ZWILCH: variants seen among roughly 807,000 people sequenced by gnomAD.
The protein encoded by ZWILCH is protein zwilch homolog.
A neutral mutation model predicts 79.9 loss-of-function variants in ZWILCH; 74 were observed. The observed-to-expected ratio is 0.93, with a 90% CI of 0.77 to 1.12. The LOEUF (loss-of-function observed/expected upper bound fraction) is 1.12, where lower values mean the gene tolerates loss of function less well. ZWILCH is among the 50% of genes most tolerant of loss of function. ZWILCH has a pLI of 0.00. For missense variants in ZWILCH, 694 were observed against 687.5 expected, an observed-to-expected ratio of 1.01 and a Z score of -0.11; for synonymous variants, 241 against 228.2, an observed-to-expected ratio of 1.06 and a Z score of -0.51.
intron 17 of ZWILCH, among the ~76,000 whole-genome samples, chr15:66,543,354 T>TAGA (rs1208370237): frequency 1.3e-5 from 2 of 152,208 alleles, no homozygotes; most frequent in African/African-American, 2.4e-5. Flanking sequence ...GATAAAGACC[T>TAGA]AGAAGGATAC....
At chr15:66,509,127 AGAC>A (rs1893933624) in intron 2 of ZWILCH, among the ~76,000 whole-genome samples, 1 of 152,120 alleles carries the variant, frequency 6.6e-6, no homozygotes, top group Non-Finnish European at 1.5e-5. Flanking sequence ...TTTTTAGTAG[AGAC>A]AGGGTTTCAC....
At chr15:66,535,242 G>A (rs1894973186) in intron 14 of ZWILCH, among the ~76,000 whole-genome samples, 1 of 152,104 alleles carries the variant, frequency 6.6e-6, no homozygotes, top group Admixed American at 6.6e-5. Context: ...CCTCCTGAAG[G>A]TCCTGCCTGA....
intron 2 of ZWILCH, among the ~76,000 whole-genome samples, chr15:66,509,845 A>C (rs990464016): frequency 7.8e-5 from 6 of 77,262 alleles, no homozygotes; most frequent in Admixed American, 2.6e-4. Context: ...ATATATATAT[A>C]TATATATATA....
intron 17 of ZWILCH, among the ~76,000 whole-genome samples, chr15:66,540,821 G>T (rs1245121414): frequency 4.7e-5 from 7 of 150,108 alleles, no homozygotes; most frequent in African/African-American, 1.7e-4. Flanking sequence ...GTAAAGATGG[G>T]TTTTACCATG....
At chr15:66,517,586 G>T (rs1894331150) in intron 4 of ZWILCH, among the ~76,000 whole-genome samples, 1 of 149,202 alleles carries the variant, frequency 6.7e-6, no homozygotes, top group East Asian at 2.0e-4. Context: ...CATAACCATG[G>T]AACAATGATG....
At chr15:66,525,287 A>G (rs1260497820) in intron 8 of ZWILCH, among the ~76,000 whole-genome samples, 1 of 152,212 alleles carries the variant, frequency 6.6e-6, no homozygotes, top group Non-Finnish European at 1.5e-5. Flanking sequence ...CCTGAAGGTG[A>G]CAACAAACTG....
chr15:66,528,879 G>C lies in ZWILCH; in HGVS notation c.997G>C (p.Asp333His), dbSNP rs140914823. ...ETLKHDTAAVDRSVKRLFKVR... is the reference protein window; with the variant it reads ...ETLKHDTAAVHRSVKRLFKVR... Reference sequence around the variant, plus strand: ...CTTGAAGCATGACACTGCTGCAGTCGATCGTTCCGTCAAGCGTCTTTTCAA... The same window carrying C: ...CTTGAAGCATGACACTGCTGCAGTCCATCGTTCCGTCAAGCGTCTTTTCAA... Residue 333 changes from aspartate (D) to histidine (H), a missense_variant, in exon 11 of 19, where the codon GAT becomes CAT. Transcript: ENST00000307897. The C allele has an allele frequency of 6.2e-7, 1 of 1,613,924 alleles. No homozygotes were observed. Among genetic ancestry groups the C allele is most frequent in the Non-Finnish European group, 8.5e-7 (1 of 1,179,892 alleles).
chr15:66,529,636 G>A, intron 12 of ZWILCH, 63 bp downstream of exon 12: 1 of 1,290,752 alleles, frequency 7.7e-7, no homozygotes, highest in Non-Finnish European at 1.1e-6. Context: ...AAAGACACAG[G>A]CTCTGAAGCC....
chr15:66,542,869 A>G (rs1308423963), intron 17 of ZWILCH, among the ~76,000 whole-genome samples: 1 of 152,198 alleles, frequency 6.6e-6, no homozygotes, highest in Non-Finnish European at 1.5e-5. Context: ...CTCACCTATA[A>G]TAAGAGAAAT....
chr15:66,517,335 T>C (rs920835557), intron 4 of ZWILCH, among the ~76,000 whole-genome samples: 1 of 150,702 alleles, frequency 6.6e-6, no homozygotes, highest in African/African-American at 2.4e-5. Flanking sequence ...TATATAGTTA[T>C]ATATGTATAT....
chr15:66,548,662 A>G lies in ZWILCH; in HGVS notation c.*338A>G. The G allele has an allele frequency of 1.1e-6, 1 of 897,616 alleles. No individual in the cohort carries two copies. The highest frequency in any genetic ancestry group is 1.9e-6 in the Non-Finnish European group (1 of 537,300). The allele number at this position is 897,616 out of a possible 1,614,324, so 55.6% of individuals were successfully genotyped here. ...TGAGAACAGGATCATTTTAGTAAAT[A>G]CAGCTTTATCCCAAAAGCTTTAACT... On this transcript the variant is annotated 3_prime_UTR_variant, in exon 19 of 19. Coordinates refer to ENST00000307897, the MANE Select transcript of ZWILCH (RefSeq NM_017975.5).
chr15:66,548,396 C>A lies in ZWILCH; in HGVS notation c.*72C>A. The A allele has an allele frequency of 1.8e-6, 1 of 545,248 alleles. No individual in the cohort carries two copies. Among genetic ancestry groups the A allele is most frequent in the Non-Finnish European group, 3.2e-6 (1 of 308,320 alleles). 33.8% of individuals were successfully genotyped at this position (545,248 alleles called of 1,614,324 possible). A position where few individuals can be genotyped will look rare whatever the true frequency, so the allele number is the denominator to read the frequency against. On this transcript the variant is annotated 3_prime_UTR_variant, in exon 19 of 19. Transcript: ENST00000307897. ...AGAAAAAAAGGTAATTATTGTAGAA[C>A]CTGAAAACAGCAATGTATGGAAACC...
At chr15:66,507,970 C>T (rs1323611204) in intron 1 of ZWILCH, among the ~76,000 whole-genome samples, 1 of 148,414 alleles carries the variant, frequency 6.7e-6, no homozygotes, top group Non-Finnish European at 1.5e-5. Context: ...GATTAAATAA[C>T]ATCCCTGAGT....
chr15:66,542,542 G>A (rs867889739), intron 17 of ZWILCH, among the ~76,000 whole-genome samples: 4 of 152,118 alleles, frequency 2.6e-5, no homozygotes, highest in Non-Finnish European at 4.4e-5. Flanking sequence ...CCAAGATCGC[G>A]CCACTGCATT....
intron 12 of ZWILCH, among the ~76,000 whole-genome samples, chr15:66,530,800 GTT>G (rs1414033259): frequency 2.6e-5 from 4 of 151,616 alleles, no homozygotes; most frequent in Non-Finnish European, 5.9e-5. Flanking sequence ...CATTATAAAA[GTT>G]ATAAACTTTT....
rs181559951 is a variant in ZWILCH at position 66,518,020 on chromosome 15, C to T, written c.321-859C>T. Reference sequence around the variant, plus strand: ...TGCTGGGATTACAAGCTTGAGCCACCGCGCCCGGCCTGGCTCCTACTTATT... The same window carrying T: ...TGCTGGGATTACAAGCTTGAGCCACTGCGCCCGGCCTGGCTCCTACTTATT... On this transcript the variant is annotated intron_variant, in intron 4 of 18. Coordinates refer to ENST00000307897, the MANE Select transcript of ZWILCH (RefSeq NM_017975.5). 7.8e-3 allele frequency among the ~76,000 whole-genome samples: 1,178 copies of T among 151,912 alleles called. 9 individuals are homozygous for T. The highest frequency in any genetic ancestry group is 0.027 in the Middle Eastern group (8 of 294).
intron 2 of ZWILCH, among the ~76,000 whole-genome samples, chr15:66,511,036 A>G (rs79123924): frequency 0.013 from 1,966 of 152,298 alleles, 33 homozygotes; most frequent in African/African-American, 0.045. Flanking sequence ...TCAACCCACA[A>G]CAGTACCTGA....
chr15:66,509,919 G>A (rs1346354855), intron 2 of ZWILCH, among the ~76,000 whole-genome samples: 1 of 139,158 alleles, frequency 7.2e-6, no homozygotes, highest in Non-Finnish European at 1.6e-5. Flanking sequence ...GCTCATGCCT[G>A]TAATCGCAGC....
intron 12 of ZWILCH, among the ~76,000 whole-genome samples, chr15:66,529,813 C>G (rs181528675): frequency 6.6e-6 from 1 of 152,296 alleles, no homozygotes; most frequent in East Asian, 1.9e-4. Flanking sequence ...TGTAATGCAC[C>G]TAGTGCCTGG....
Sources: allele counts gnomAD v4.1 joint callset (sites outside exome capture counted in the v4.1 genomes callset), GRCh38; gene constraint gnomAD v4.1.1; transcripts MANE v1.5; gene names NCBI Gene and HGNC (gene_info 2026-07-23, HGNC 2026-07-21).